The following EYA4 variants were observed in gnomAD, a reference collection of about 807,000 sequenced individuals.
EYA4 encodes protein phosphatase EYA4.
Under a neutral mutation model 87.9 loss-of-function variants are expected in EYA4, and 31 were observed. The ratio of observed to expected loss-of-function variants is 0.35; its 90% CI spans 0.27 to 0.48. EYA4 has a LOEUF of 0.48. Ranked by LOEUF, EYA4 falls within the 20% of genes least tolerant of loss-of-function variation. The pLI is 0.99. For missense variants in EYA4, 678 were observed against 761.4 expected (o/e 0.89, Z 1.29); for synonymous variants, 263 against 270.6 (o/e 0.97, Z 0.28).
At chr6:133,458,254 G>C (rs1794073392) in intron 6 of EYA4, among the ~76,000 whole-genome samples, 1 of 151,918 alleles carries the variant, frequency 6.6e-6, no homozygotes, top group East Asian at 1.9e-4. Context: ...TAAAAATTTT[G>C]TTTTTTATTT....
intron 3 of EYA4, among the ~76,000 whole-genome samples, chr6:133,416,316 A>T (rs971792522): frequency 2.6e-5 from 4 of 152,244 alleles, no homozygotes; most frequent in Non-Finnish European, 5.9e-5. Context: ...AATTTAAAGC[A>T]TCACGCTTTT....
At chr6:133,332,695 C>T (rs1022535092) in intron 2 of EYA4, among the ~76,000 whole-genome samples, 2 of 150,204 alleles carry the variant, frequency 1.3e-5, no homozygotes, top group African/African-American at 4.9e-5. Context: ...AGGCATGTGC[C>T]ACCACGCCCA....
At chr6:133,334,291 C>G (rs1782201207) in intron 2 of EYA4, among the ~76,000 whole-genome samples, 1 of 152,208 alleles carries the variant, frequency 6.6e-6, no homozygotes, top group Non-Finnish European at 1.5e-5. Context: ...CACATAGGGA[C>G]AGAATTCGTG....
chr6:133,467,086 C>A (rs371197741), intron 10 of EYA4, among the ~76,000 whole-genome samples: 10 of 151,962 alleles, frequency 6.6e-5, no homozygotes, highest in East Asian at 3.9e-4. Flanking sequence ...GACAAGGGGG[C>A]GACAGTGGAA....
rs190392611 is a variant in EYA4 at position 133,503,442 on chromosome 6, A to G, written c.1192-2664A>G. Among the ~76,000 whole-genome samples the G allele has an allele frequency of 4.6e-5, 7 of 152,350 alleles. No individual in the cohort carries two copies. The East Asian group carries it at 7.7e-4, about 17-fold the overall frequency. On this transcript the variant is annotated intron_variant, in intron 13 of 19. Transcript: ENST00000355286. Reference sequence around the variant, plus strand: ...CCAGAAGGAAAACCTTTTAAATCAGATATTTCTGAACTCCTATCTGAAATA... The same window carrying G: ...CCAGAAGGAAAACCTTTTAAATCAGGTATTTCTGAACTCCTATCTGAAATA...
rs775725988 is a variant in EYA4 at position 133,382,396 on chromosome 6, A to G, written c.38A>G (p.Lys13Arg). 3 of 1,608,672 alleles carry G rather than the reference A, an allele frequency of 1.9e-6. No homozygotes were observed. Among genetic ancestry groups the G allele is most frequent in the Non-Finnish European group, 2.6e-6 (3 of 1,175,088 alleles). The change falls in exon 3 of 20, where the codon AAG becomes AGG. Residue 13 changes from lysine to arginine, a missense_variant. Transcript: ENST00000355286. ...DSQDLNEQSV[K>R]KTCTESDVSQ... ...ACTAGTACTCTTTTCTTACAGGTAA[A>G]GAAAACGTGCACAGAATCAGATGTT...
intron 17 of EYA4, among the ~76,000 whole-genome samples, chr6:133,517,000 T>C (rs1036274637): frequency 3.3e-5 from 5 of 152,218 alleles, no homozygotes; most frequent in African/African-American, 9.6e-5. Flanking sequence ...GTCTTTATTA[T>C]AAAATGATTT....
intron 2 of EYA4, among the ~76,000 whole-genome samples, chr6:133,353,961 GA>G (rs1476047829): frequency 6.6e-6 from 1 of 152,162 alleles, no homozygotes; most frequent in Non-Finnish European, 1.5e-5. Context: ...TGGAAATTCA[GA>G]TAACCAGAAG....
At chr6:133,407,245 T>G (rs1229547170) in intron 3 of EYA4, among the ~76,000 whole-genome samples, 1 of 114,176 alleles carries the variant, frequency 8.8e-6, no homozygotes, top group Non-Finnish European at 1.9e-5. Context: ...AATAAAGGAG[T>G]CTAGGGTTTT....
At chr6:133,363,788 C>T (rs1285867284) in intron 2 of EYA4, among the ~76,000 whole-genome samples, 1 of 152,146 alleles carries the variant, frequency 6.6e-6, no homozygotes. Flanking sequence ...CCTTGTAACT[C>T]TTGAGCCTGA....
intron 2 of EYA4, among the ~76,000 whole-genome samples, chr6:133,362,466 C>T (rs1398305523): frequency 1.4e-5 from 2 of 145,978 alleles, no homozygotes; most frequent in Admixed American, 6.6e-5. Context: ...TCGCAAAACT[C>T]TCATAATTCT....
chr6:133,332,812 T>C (rs551326576), intron 2 of EYA4, among the ~76,000 whole-genome samples: 1 of 151,084 alleles, frequency 6.6e-6, no homozygotes, highest in East Asian at 2.0e-4. Context: ...TCCGCCCGCG[T>C]TGGCCTCGCA....
intron 2 of EYA4, among the ~76,000 whole-genome samples, chr6:133,300,675 T>G (rs900086145): frequency 1.3e-5 from 2 of 152,088 alleles, no homozygotes; most frequent in Non-Finnish European, 2.9e-5. Flanking sequence ...CTACCATGCC[T>G]GGCTAATTTT....
At chr6:133,354,094 C>A (rs1783838561) in intron 2 of EYA4, among the ~76,000 whole-genome samples, 1 of 152,180 alleles carries the variant, frequency 6.6e-6, no homozygotes, top group Non-Finnish European at 1.5e-5. Flanking sequence ...GTAAACCATG[C>A]ATAATTACTG....
chr6:133,380,825 C>T lies in EYA4; in HGVS notation c.34-1567C>T, dbSNP rs567222959. The stretch of plus-strand genomic sequence containing the variant: ...CACCCTTTCCCCTTTTCTCCTCCTA[C>T]GCCTTATTCCTCTTCCTCCTCCTCC... On this transcript the variant is annotated intron_variant, in intron 2 of 19. Transcript: ENST00000355286. Among the ~76,000 whole-genome samples the T allele has an allele frequency of 1.3e-4, 19 of 151,004 alleles. No homozygotes were observed. In the South Asian group the frequency reaches 2.3e-3, roughly 18 times the overall value.
At chr6:133,350,615 GGAGA>G (rs1462258239) in intron 2 of EYA4, among the ~76,000 whole-genome samples, 1 of 152,032 alleles carries the variant, frequency 6.6e-6, no homozygotes, top group Non-Finnish European at 1.5e-5. Context: ...GTGCAGTGAG[GGAGA>G]GAGCTGAGGT....
intron 2 of EYA4, among the ~76,000 whole-genome samples, chr6:133,287,411 G>A (rs1778150266): frequency 1.3e-5 from 2 of 152,156 alleles, no homozygotes; most frequent in Non-Finnish European, 2.9e-5. Context: ...AGGCATAAAA[G>A]CTCAGAGGTA....
At chr6:133,481,369 T>C (rs546836051) in intron 11 of EYA4, 94 bp from the exon 12 acceptor site, 60 of 1,237,748 alleles carry the variant, frequency 4.8e-5, no homozygotes, top group African/African-American at 4.4e-4. Flanking sequence ...GAGGTTTCTA[T>C]TGTATAGGAA....
chr6:133,383,953 C>G (rs1786480499), intron 3 of EYA4, among the ~76,000 whole-genome samples: 1 of 152,214 alleles, frequency 6.6e-6, no homozygotes, highest in East Asian at 1.9e-4. Context: ...AGTGACCTAC[C>G]TATAACTTGC....
Sources: gnomAD v4.1 joint callset for allele counts (sites outside exome capture counted in the v4.1 genomes callset) on GRCh38, gnomAD v4.1.1 for gene constraint, MANE v1.5 for transcripts, NCBI Gene and HGNC (gene_info 2026-07-23, HGNC 2026-07-21) for gene names.